The following ELOVL6 variants were observed in gnomAD, a reference collection of about 807,000 sequenced individuals.
ELOVL6 encodes very long chain fatty acid elongase 6.
ELOVL6 carries 8 observed loss-of-function variants against 31.7 expected under a neutral mutation model. The ratio of observed to expected loss-of-function variants is 0.25; its 90% CI spans 0.15 to 0.45. The LOEUF (loss-of-function observed/expected upper bound fraction) is 0.45. Ranked by LOEUF, ELOVL6 falls within the 20% of genes least tolerant of loss-of-function variation. ELOVL6 has a pLI of 1.00. For missense variants in ELOVL6, 126 were observed against 326.4 expected (o/e 0.39, Z 4.73); for synonymous variants, 101 against 117.7 (o/e 0.86, Z 0.92).
chr4:110,095,222 C>A (rs542276401), intron 2 of ELOVL6, among the ~76,000 whole-genome samples: 3 of 152,324 alleles, frequency 2.0e-5, no homozygotes, highest in Non-Finnish European at 2.9e-5. Context: ...TGGCTCACAC[C>A]TGTAATCCCA....
At chr4:110,121,694 G>T (rs1053010712) in intron 1 of ELOVL6, among the ~76,000 whole-genome samples, 6 of 151,850 alleles carry the variant, frequency 4.0e-5, no homozygotes, top group African/African-American at 1.5e-4. Context: ...TCGAGACTCT[G>T]TCTCAAAAAA....
intron 1 of ELOVL6, among the ~76,000 whole-genome samples, chr4:110,159,844 G>A (rs570789586): frequency 9.2e-5 from 14 of 152,222 alleles, no homozygotes; most frequent in African/African-American, 3.4e-4. Context: ...AAAGATGAAA[G>A]TGTATCTCAT....
intron 2 of ELOVL6, among the ~76,000 whole-genome samples, chr4:110,081,032 C>T (rs1164364101): frequency 1.3e-5 from 2 of 152,102 alleles, no homozygotes; most frequent in Admixed American, 6.6e-5. Flanking sequence ...ATCCAACTTA[C>T]AAGGGATGTG....
At chr4:110,153,568 T>C (rs1037373520) in intron 1 of ELOVL6, among the ~76,000 whole-genome samples, 1 of 152,202 alleles carries the variant, frequency 6.6e-6, no homozygotes, top group Non-Finnish European at 1.5e-5. Context: ...AAAAAAATTA[T>C]AGCCAATAAA....
At chr4:110,168,057 A>G in intron 1 of ELOVL6, among the ~76,000 whole-genome samples, 1 of 152,222 alleles carries the variant, frequency 6.6e-6, no homozygotes, top group Non-Finnish European at 1.5e-5. Context: ...TTAATATTTT[A>G]GTGGAAATTT....
At chr4:110,133,707 C>T (rs1341203368) in intron 1 of ELOVL6, among the ~76,000 whole-genome samples, 1 of 152,148 alleles carries the variant, frequency 6.6e-6, no homozygotes, top group African/African-American at 2.4e-5. Context: ...AATATAATCT[C>T]TCTGGGTGTC....
intron 1 of ELOVL6, among the ~76,000 whole-genome samples, chr4:110,166,617 A>G (rs1197837611): frequency 6.6e-6 from 1 of 152,192 alleles, no homozygotes; most frequent in East Asian, 1.9e-4. Context: ...CTCAAAAAAA[A>G]GAAAAAATTC....
At chr4:110,091,738 T>C (rs1025118890) in intron 2 of ELOVL6, among the ~76,000 whole-genome samples, 1 of 149,600 alleles carries the variant, frequency 6.7e-6, no homozygotes, top group Non-Finnish European at 1.5e-5. Flanking sequence ...CATCCACATC[T>C]CAGAACAAAA....
intron 1 of ELOVL6, among the ~76,000 whole-genome samples, chr4:110,124,820 T>G (rs1420665721): frequency 9.2e-5 from 14 of 152,178 alleles, no homozygotes; most frequent in Admixed American, 9.2e-4. Context: ...CCAGGATTAC[T>G]CTCAACTAGA....
At chr4:110,139,331 G>C (rs549054090) in intron 1 of ELOVL6, among the ~76,000 whole-genome samples, 1 of 152,136 alleles carries the variant, frequency 6.6e-6, no homozygotes, top group African/African-American at 2.4e-5. Flanking sequence ...TGGGGCTCCA[G>C]TCTGTCAATA....
intron 3 of ELOVL6, among the ~76,000 whole-genome samples, chr4:110,057,603 C>T (rs1157095238): frequency 6.6e-6 from 1 of 151,956 alleles, no homozygotes; most frequent in African/African-American, 2.4e-5. Flanking sequence ...ATAATACTAG[C>T]ACTTTGGGAG....
rs1383825931 is a variant in ELOVL6 at position 110,094,438 on chromosome 4, T to TATATATATATATATATAA, written c.221+11058_221+11059insTTATATATATATATATAT. 6.5e-3 allele frequency among the ~76,000 whole-genome samples: 360 copies of TATATATATATATATATAA among 55,234 alleles called. 4 individuals carry two copies. Among genetic ancestry groups the TATATATATATATATATAA allele is most frequent in the Non-Finnish European group, 8.2e-3 (259 of 31,448 alleles). 36.2% of individuals were successfully genotyped at this position (55,234 alleles called of 152,430 possible). Reference sequence around the variant, plus strand: ...ATATATATATATATATATATATATATATATAATATATATAACATAATATAT... The same window carrying TATATATATATATATATAA: ...ATATATATATATATATATATATATATATATATATATATATATAAATATAATATATATAACATAATATAT... On this transcript the variant is annotated intron_variant, in intron 2 of 3. Coordinates refer to ENST00000302274, the MANE Select transcript of ELOVL6 (RefSeq NM_024090.3).
At chr4:110,154,898 A>T (rs1182185857) in intron 1 of ELOVL6, among the ~76,000 whole-genome samples, 2 of 152,212 alleles carry the variant, frequency 1.3e-5, no homozygotes, top group Admixed American at 6.5e-5. Context: ...CAAAACAGGG[A>T]CTTTCCACAA....
In ELOVL6 at chr4:110,154,138, G is replaced by A. The variant is rs1168547022; in HGVS notation, c.89+44109C>T. ...GTCACCCAGGGTGGTGTGCAATGGCGCAATCATGGCTCACCACAGCCTTCA... is the reference window on the plus strand; with the variant it reads ...GTCACCCAGGGTGGTGTGCAATGGCACAATCATGGCTCACCACAGCCTTCA... On this transcript the variant is annotated intron_variant, in intron 1 of 3. Coordinates refer to ENST00000302274, the MANE Select transcript of ELOVL6 (RefSeq NM_024090.3). Among the ~76,000 whole-genome samples, 4 of 152,242 alleles carry A rather than the reference G, an allele frequency of 2.6e-5. No homozygotes were observed. In the East Asian group the frequency reaches 5.8e-4, roughly 22 times the overall value.
intron 2 of ELOVL6, among the ~76,000 whole-genome samples, chr4:110,103,146 G>GT (rs1388602312): frequency 1.3e-5 from 2 of 152,178 alleles, no homozygotes; most frequent in Admixed American, 6.5e-5. Flanking sequence ...ATGTGGAACT[G>GT]TAAGTCCAAT....
chr4:110,156,038 T>C (rs1488995387), intron 1 of ELOVL6, among the ~76,000 whole-genome samples: 1 of 152,212 alleles, frequency 6.6e-6, no homozygotes. Flanking sequence ...CATATCCAAA[T>C]ATGCCTGCTT....
chr4:110,059,634 A>G lies in ELOVL6; in HGVS notation c.342T>C (p.Tyr114=), dbSNP rs145227712. ...CGGGTGCTTTGCTTAGCACAAATGC[A>G]TAAGCCCAGAATTTGCTGACAGGTC... The part of the protein sequence containing the change: ...YNGPVSKFWA[Y]AFVLSKAPEL... The change falls in exon 3 of 4, where the codon TAT becomes TAC. Residue 114 remains tyrosine, a synonymous_variant. Transcript: ENST00000302274. The G allele has an allele frequency of 1.2e-6, 2 of 1,614,142 alleles. No individual in the cohort carries two copies. Among genetic ancestry groups the G allele is most frequent in the Non-Finnish European group, 1.7e-6 (2 of 1,179,996 alleles).
intron 2 of ELOVL6, among the ~76,000 whole-genome samples, chr4:110,093,734 G>C (rs989955676): frequency 6.6e-6 from 1 of 152,226 alleles, no homozygotes; most frequent in Middle Eastern, 3.4e-3. Context: ...AAAAATCACT[G>C]CCCTCATGGA....
At chr4:110,064,364 G>A (rs909037304) in intron 2 of ELOVL6, among the ~76,000 whole-genome samples, 1 of 60,996 alleles carries the variant, frequency 1.6e-5, no homozygotes, top group Admixed American at 2.2e-4. Flanking sequence ...GATGTCAGGA[G>A]GGGGCCAAGA....
Sources: gnomAD v4.1 joint callset for allele counts (sites outside exome capture counted in the v4.1 genomes callset) on GRCh38, gnomAD v4.1.1 for gene constraint, MANE v1.5 for transcripts, NCBI Gene and HGNC (gene_info 2026-07-23, HGNC 2026-07-21) for gene names.